The following DNAH3 variants were observed in gnomAD, a reference collection of about 807,000 sequenced individuals.
The protein encoded by DNAH3 is axonemal beta dynein heavy chain 3.
In DNAH3, 332 loss-of-function variants were observed where a neutral mutation model predicts 432.5. The observed-to-expected ratio is 0.77, with a 90% CI of 0.70 to 0.84. The LOEUF (loss-of-function observed/expected upper bound fraction) is 0.84. DNAH3 is among the 40% of genes least tolerant of loss of function. DNAH3 has a pLI of 0.00. For missense variants in DNAH3, 4,861 were observed against 5,114.0 expected, an observed-to-expected ratio of 0.95 and a Z score of 1.51; for synonymous variants, 1,956 against 1,900.2, an observed-to-expected ratio of 1.03 and a Z score of -0.76.
At chr16:20,954,488 C>T (rs1473343294) in intron 55 of DNAH3, among the ~76,000 whole-genome samples, 1 of 151,734 alleles carries the variant, frequency 6.6e-6, no homozygotes, top group Non-Finnish European at 1.5e-5. Flanking sequence ...TGGGGTTTTA[C>T]CATGTTACCC....
intron 7 of DNAH3, among the ~76,000 whole-genome samples, chr16:21,132,957 A>ATT (rs562470355): frequency 1.5e-5 from 2 of 131,390 alleles, no homozygotes; most frequent in Non-Finnish European, 1.6e-5. Flanking sequence ...GACTCCTACA[A>ATT]TTTTTTTTTT....
intron 20 of DNAH3, among the ~76,000 whole-genome samples, chr16:21,079,125 T>C (rs962693858): frequency 2.6e-5 from 4 of 152,234 alleles, no homozygotes; most frequent in African/African-American, 9.6e-5. Flanking sequence ...GGTTTACTTT[T>C]TCAGCAGTGA....
intron 11 of DNAH3, chr16:21,120,565 G>T: frequency 1.6e-6 from 1 of 631,530 alleles, no homozygotes; most frequent in Non-Finnish European, 2.9e-6. Flanking sequence ...AGTCTGAGGG[G>T]CTTAAGGAGG....
chr16:21,088,457 T>C (rs1260397275), intron 18 of DNAH3, among the ~76,000 whole-genome samples: 1 of 152,198 alleles, frequency 6.6e-6, no homozygotes, highest in East Asian at 1.9e-4. Flanking sequence ...GGAGTAGTAG[T>C]AGCATTTCTA....
At chr16:20,984,049 A>C (rs1323983346) in intron 48 of DNAH3, among the ~76,000 whole-genome samples, 6 of 149,702 alleles carry the variant, frequency 4.0e-5, no homozygotes, top group Admixed American at 1.3e-4. Flanking sequence ...AAAAAAAGAC[A>C]GAAAGGGCGA....
chr16:21,062,772 C>G (rs2090407989), intron 24 of DNAH3, 89 bp from the exon 25 acceptor site: 1 of 944,770 alleles, frequency 1.1e-6, no homozygotes, highest in African/African-American at 1.6e-5. Flanking sequence ...TAGTCCGCAC[C>G]TACGTGAATA....
intron 41 of DNAH3, among the ~76,000 whole-genome samples, chr16:21,005,290 GCTTCCCTC>G (rs1213070339): frequency 8.2e-4 from 85 of 103,300 alleles, no homozygotes; most frequent in South Asian, 1.2e-3. Flanking sequence ...TTCCTTCCTT[GCTTCCCTC>G]CTTCCCTCCT....
At chr16:21,089,718 G>A (rs2152782675) in intron 18 of DNAH3, among the ~76,000 whole-genome samples, 1 of 151,816 alleles carries the variant, frequency 6.6e-6, no homozygotes, top group Middle Eastern at 3.4e-3. Flanking sequence ...TAAAAAAGGA[G>A]AAATTTCTAA....
chr16:21,088,673 T>G (rs2091450254), intron 18 of DNAH3, among the ~76,000 whole-genome samples: 1 of 152,202 alleles, frequency 6.6e-6, no homozygotes, highest in Admixed American at 6.5e-5. Flanking sequence ...AAATTCTAAC[T>G]CTGATCTTAA....
At chr16:21,084,550 G>C (rs2091300043) in intron 19 of DNAH3, among the ~76,000 whole-genome samples, 1 of 152,080 alleles carries the variant, frequency 6.6e-6, no homozygotes, top group African/African-American at 2.4e-5. Flanking sequence ...TCAGACTCCT[G>C]GGCTCAAGCG....
At chr16:21,008,911 G>A (rs1444025153) in intron 41 of DNAH3, among the ~76,000 whole-genome samples, 2 of 152,124 alleles carry the variant, frequency 1.3e-5, no homozygotes, top group Non-Finnish European at 2.9e-5. Context: ...ATTAAAAAAC[G>A]TTTGTTGTTG....
At chr16:21,019,638 A>G (rs750231948) in exon 41 of DNAH3, 1 of 1,614,126 alleles carries the variant, frequency 6.2e-7, no homozygotes, top group East Asian at 2.2e-5. Context: ...TTCTGGAAAG[A>G]TGTTGTTTTT....
At chr16:21,006,643 T>C (rs2087317325) in intron 41 of DNAH3, among the ~76,000 whole-genome samples, 1 of 152,206 alleles carries the variant, frequency 6.6e-6, no homozygotes, top group Admixed American at 6.5e-5. Flanking sequence ...AATCATATAA[T>C]ATGTGTTCTT....
At chr16:21,037,725 C>T in intron 34 of DNAH3, 36 bp downstream of exon 34, 1 of 1,585,802 alleles carries the variant, frequency 6.3e-7, no homozygotes, top group Non-Finnish European at 8.7e-7. Flanking sequence ...AACATTGAGC[C>T]TTGGTCCTCG....
At chr16:20,944,865 G>A (rs1390179797) in intron 57 of DNAH3, among the ~76,000 whole-genome samples, 2 of 152,048 alleles carry the variant, frequency 1.3e-5, no homozygotes, top group East Asian at 1.9e-4. Context: ...CATGAAAGCA[G>A]ATGAGACTGA....
chr16:21,073,124 C>T (rs745704930), intron 21 of DNAH3, among the ~76,000 whole-genome samples: 19 of 152,140 alleles, frequency 1.2e-4, no homozygotes, highest in Non-Finnish European at 2.1e-4. Flanking sequence ...GTCTTTCTCG[C>T]TCTGTTCTCA....
At chr16:21,033,027 C>T (rs115532207) in intron 36 of DNAH3, among the ~76,000 whole-genome samples, 2,530 of 152,024 alleles carry the variant, frequency 0.017, 69 homozygotes, top group African/African-American at 0.058. Context: ...CAGTGCAGTG[C>T]GCAATCATAG....
At chr16:21,029,831 C>T (rs1265202205) in intron 37 of DNAH3, among the ~76,000 whole-genome samples, 3 of 152,124 alleles carry the variant, frequency 2.0e-5, no homozygotes, top group Non-Finnish European at 4.4e-5. Context: ...CATATGCCCC[C>T]ACTTTTTTTT....
At chr16:21,133,351 A>C (rs1473587778) in intron 7 of DNAH3, among the ~76,000 whole-genome samples, 1 of 122,128 alleles carries the variant, frequency 8.2e-6, no homozygotes, top group Non-Finnish European at 1.7e-5. Flanking sequence ...TGACAGGGTG[A>C]GATTCGTCTC....
Sources: gnomAD v4.1 joint callset for allele counts (sites outside exome capture counted in the v4.1 genomes callset) on GRCh38, gnomAD v4.1.1 for gene constraint, MANE v1.5 for transcripts, NCBI Gene and HGNC (gene_info 2026-07-23, HGNC 2026-07-21) for gene names.